The following NWD2 variants were observed in gnomAD, a reference collection of about 807,000 sequenced individuals.
NWD2 encodes the protein NACHT and WD repeat domain containing 2.
A neutral mutation model predicts 132.7 loss-of-function variants in NWD2; 37 were observed. That is an observed-to-expected ratio of 0.28 (90% CI 0.21 to 0.37). The LOEUF (loss-of-function observed/expected upper bound fraction) is 0.37. NWD2 is among the 10% of genes least tolerant of loss of function. NWD2 has a pLI of 1.00. For synonymous variants in NWD2, 705 were observed against 803.0 expected (o/e 0.88, Z 2.06); for missense variants, 1,592 against 2,122.4 (o/e 0.75, Z 4.91).
chr4:37,318,324 C>T (rs1344276737), intron 1 of NWD2, among the ~76,000 whole-genome samples: 1 of 152,110 alleles, frequency 6.6e-6, no homozygotes, highest in Admixed American at 6.5e-5. Context: ...CTGCGCCTGG[C>T]CAATCTGCTC....
At chr4:37,286,267 G>A (rs1577655769) in intron 1 of NWD2, among the ~76,000 whole-genome samples, 2 of 152,330 alleles carry the variant, frequency 1.3e-5, no homozygotes, top group Admixed American at 6.5e-5. Flanking sequence ...AACAGTAACA[G>A]TAATGATGCT....
chr4:37,399,412 G>T (rs1048939750), intron 3 of NWD2, among the ~76,000 whole-genome samples: 1 of 152,130 alleles, frequency 6.6e-6, no homozygotes, highest in Non-Finnish European at 1.5e-5. Flanking sequence ...ATTTTTAAAA[G>T]AATTTTTTGG....
intron 6 of NWD2, among the ~76,000 whole-genome samples, chr4:37,442,398 A>G (rs1712510463): frequency 6.6e-6 from 1 of 152,218 alleles, no homozygotes; most frequent in Non-Finnish European, 1.5e-5. Flanking sequence ...TTATCCTTTA[A>G]CACCACAGAG....
At chr4:37,275,416 G>T (rs1180444033) in intron 1 of NWD2, among the ~76,000 whole-genome samples, 1 of 152,044 alleles carries the variant, frequency 6.6e-6, no homozygotes, top group Non-Finnish European at 1.5e-5. Flanking sequence ...ACTGCTCAAT[G>T]AAATAAAAGA....
At chr4:37,352,457 A>G (rs1255754718) in intron 2 of NWD2, among the ~76,000 whole-genome samples, 1 of 151,926 alleles carries the variant, frequency 6.6e-6, no homozygotes, top group Non-Finnish European at 1.5e-5. Flanking sequence ...ATATTGACAG[A>G]GGGGTGTTGA....
intron 2 of NWD2, among the ~76,000 whole-genome samples, chr4:37,339,604 G>A (rs890861730): frequency 6.6e-6 from 1 of 152,178 alleles, no homozygotes; most frequent in African/African-American, 2.4e-5. Flanking sequence ...ATTTGCAGGG[G>A]ACTACGTGTC....
At chr4:37,380,035 A>G (rs1333506151) in intron 3 of NWD2, among the ~76,000 whole-genome samples, 2 of 152,268 alleles carry the variant, frequency 1.3e-5, no homozygotes, top group Non-Finnish European at 2.9e-5. Flanking sequence ...TCTCTAAAAT[A>G]AGAATAAGAA....
intron 1 of NWD2, among the ~76,000 whole-genome samples, chr4:37,295,664 C>T (rs983551298): frequency 2.0e-5 from 3 of 152,188 alleles, no homozygotes; most frequent in South Asian, 2.1e-4. Context: ...CCCATAACTT[C>T]GTCTCCTACC....
intron 1 of NWD2, among the ~76,000 whole-genome samples, chr4:37,304,262 C>G (rs999005572): frequency 1.3e-5 from 2 of 152,120 alleles, no homozygotes; most frequent in African/African-American, 4.8e-5. Flanking sequence ...AAGTTTGCCC[C>G]CATTATTCAA....
chr4:37,429,995 A>G (rs1226513893), intron 3 of NWD2, among the ~76,000 whole-genome samples: 1 of 152,110 alleles, frequency 6.6e-6, no homozygotes, highest in Admixed American at 6.5e-5. Flanking sequence ...ATATTTGTTC[A>G]TTGTTTTTCT....
At chr4:37,249,706 A>G (rs186932534) in intron 1 of NWD2, among the ~76,000 whole-genome samples, 1 of 152,286 alleles carries the variant, frequency 6.6e-6, no homozygotes, top group Non-Finnish European at 1.5e-5. Context: ...ATATTTTAAC[A>G]CTTAATGCAT....
intron 1 of NWD2, among the ~76,000 whole-genome samples, chr4:37,265,701 T>C (rs967461119): frequency 6.6e-6 from 1 of 152,008 alleles, no homozygotes; most frequent in Non-Finnish European, 1.5e-5. Context: ...GCTTTTGTGG[T>C]TATATTTCCT....
At chr4:37,408,333 C>T (rs528804663) in intron 3 of NWD2, among the ~76,000 whole-genome samples, 3 of 152,164 alleles carry the variant, frequency 2.0e-5, no homozygotes, top group Non-Finnish European at 4.4e-5. Flanking sequence ...CTGGGGCACT[C>T]GAGCTTGCTT....
intron 1 of NWD2, among the ~76,000 whole-genome samples, chr4:37,277,471 A>C: frequency 6.6e-6 from 1 of 151,710 alleles, no homozygotes; most frequent in East Asian, 1.9e-4. Flanking sequence ...GGCTCTTCAG[A>C]TTGAATATTT....
At chr4:37,351,221 T>G (rs1719754054) in intron 2 of NWD2, among the ~76,000 whole-genome samples, 1 of 152,204 alleles carries the variant, frequency 6.6e-6, no homozygotes, top group Non-Finnish European at 1.5e-5. Flanking sequence ...GATTCCCTCT[T>G]TTTCTATTGT....
At chr4:37,415,171 T>C (rs998482284) in intron 3 of NWD2, among the ~76,000 whole-genome samples, 7 of 152,212 alleles carry the variant, frequency 4.6e-5, no homozygotes, top group African/African-American at 1.7e-4. Context: ...GAAATCTCCC[T>C]GAAGAACGCA....
At chr4:37,316,929 A>G (rs1369872912) in intron 1 of NWD2, among the ~76,000 whole-genome samples, 1 of 152,174 alleles carries the variant, frequency 6.6e-6, no homozygotes, top group Non-Finnish European at 1.5e-5. Context: ...TTAGTAACTT[A>G]CCTGGACTAA....
At chr4:37,270,246 G>A (rs138714815) in intron 1 of NWD2, among the ~76,000 whole-genome samples, 88 of 151,816 alleles carry the variant, frequency 5.8e-4, no homozygotes, top group Middle Eastern at 3.4e-3. Context: ...AGTTATTAGC[G>A]TAATTCAAGA....
At chr4:37,364,691 TAC>T (rs57981065) in intron 3 of NWD2, among the ~76,000 whole-genome samples, 17,773 of 146,550 alleles carry the variant, frequency 0.12, 1,116 homozygotes, top group East Asian at 0.18. Flanking sequence ...TACCTCCACT[TAC>T]ACACACACAC....
Sources: allele counts gnomAD v4.1 joint callset (sites outside exome capture counted in the v4.1 genomes callset), GRCh38; gene constraint gnomAD v4.1.1; transcripts MANE v1.5; gene names NCBI Gene and HGNC (gene_info 2026-07-23, HGNC 2026-07-21).